Variants in RBFOX1 observed in about 807,000 individuals in gnomAD.
RBFOX1 encodes RNA binding protein fox-1 homolog 1.
A neutral mutation model predicts 57.7 loss-of-function variants in RBFOX1; 8 were observed. The ratio of observed to expected loss-of-function variants is 0.14; its 90% CI spans 0.08 to 0.25. RBFOX1 has a LOEUF of 0.25. Among genes scored for constraint, RBFOX1 ranks in the 10% least tolerant of loss-of-function variants. The pLI is 1.00. For synonymous variants in RBFOX1, 326 were observed against 222.4 expected, an observed-to-expected ratio of 1.47 and a Z score of -4.15; for missense variants, 611 against 548.5, an observed-to-expected ratio of 1.11 and a Z score of -1.14.
intron 2 of RBFOX1, among the ~76,000 whole-genome samples, chr16:5,564,853 A>G (rs1309039229): frequency 6.6e-6 from 1 of 152,140 alleles, no homozygotes; most frequent in African/African-American, 2.4e-5. Flanking sequence ...GTGGCTGGGC[A>G]TCTCACCTCT....
intron 3 of RBFOX1, among the ~76,000 whole-genome samples, chr16:6,856,904 G>A (rs2058013302): frequency 6.6e-6 from 1 of 151,968 alleles, no homozygotes; most frequent in African/African-American, 2.4e-5. Flanking sequence ...CAGAGAAAGG[G>A]AAAAGAAAGA....
chr16:5,908,356 G>C (rs1441818919), intron 4 of RBFOX1, among the ~76,000 whole-genome samples: 3 of 125,650 alleles, frequency 2.4e-5, no homozygotes, highest in Non-Finnish European at 3.5e-5. Flanking sequence ...GTGTGTGTCT[G>C]TGTGTGTTTT....
intron 3 of RBFOX1, among the ~76,000 whole-genome samples, chr16:5,775,095 A>G (rs987300801): frequency 2.6e-5 from 4 of 152,186 alleles, no homozygotes; most frequent in African/African-American, 9.7e-5. Flanking sequence ...CAGTGAATAT[A>G]GCTTGATCCT....
At chr16:7,313,613 T>C (rs2096371433) in intron 4 of RBFOX1, among the ~76,000 whole-genome samples, 1 of 151,986 alleles carries the variant, frequency 6.6e-6, no homozygotes, top group South Asian at 2.1e-4. Context: ...AATAATAAAA[T>C]AATTAAAATA....
At chr16:7,357,981 C>G (rs1279608907) in intron 4 of RBFOX1, among the ~76,000 whole-genome samples, 4 of 152,088 alleles carry the variant, frequency 2.6e-5, no homozygotes, top group African/African-American at 7.2e-5. Context: ...TTTCATCTGC[C>G]TGAGAATCAC....
At chr16:7,667,134 T>C (rs990391852) in intron 13 of RBFOX1, among the ~76,000 whole-genome samples, 5 of 152,196 alleles carry the variant, frequency 3.3e-5, no homozygotes, top group Admixed American at 1.3e-4. Flanking sequence ...AGAGATTTGA[T>C]TACCCAGCAC....
chr16:7,033,424 G>A (rs1203344838), intron 3 of RBFOX1, among the ~76,000 whole-genome samples: 1 of 152,268 alleles, frequency 6.6e-6, no homozygotes, highest in Admixed American at 6.5e-5. Context: ...GGAGGCTGAG[G>A]CAGGAGATTC....
chr16:5,632,357 C>A (rs1029690470), intron 3 of RBFOX1: 7 of 152,214 alleles, frequency 4.6e-5, no homozygotes, highest in Non-Finnish European at 8.8e-5. Context: ...GTAGCTGTTT[C>A]CTGGTCAACG....
At chr16:6,060,173 T>C (rs1180526382) in intron 1 of RBFOX1, among the ~76,000 whole-genome samples, 1 of 138,560 alleles carries the variant, frequency 7.2e-6, no homozygotes, top group South Asian at 2.4e-4. Flanking sequence ...ATAACAAGAA[T>C]GGAGAAACAT....
chr16:6,969,566 C>G (rs547568518), intron 3 of RBFOX1, among the ~76,000 whole-genome samples: 4 of 151,614 alleles, frequency 2.6e-5, no homozygotes, highest in East Asian at 1.9e-4. Flanking sequence ...GAGACCTCGT[C>G]TCTACAAAAA....
intron 1 of RBFOX1, among the ~76,000 whole-genome samples, chr16:6,176,496 C>CT (rs112213022): frequency 0.075 from 11,321 of 151,758 alleles, 560 homozygotes; most frequent in African/African-American, 0.14. Flanking sequence ...GCTGTGCCTC[C>CT]TTTCTTCTCA....
intron 3 of RBFOX1, among the ~76,000 whole-genome samples, chr16:5,656,734 C>CT: frequency 6.6e-6 from 1 of 152,288 alleles, no homozygotes; most frequent in South Asian, 2.1e-4. Flanking sequence ...TGAACTCATT[C>CT]TTTTTTATGG....
intron 4 of RBFOX1, among the ~76,000 whole-genome samples, chr16:5,974,150 G>A (rs976582793): frequency 6.6e-5 from 10 of 152,118 alleles, no homozygotes; most frequent in South Asian, 2.1e-4. Flanking sequence ...CTATATGGCC[G>A]TTGTTCTACC....
intron 3 of RBFOX1, among the ~76,000 whole-genome samples, chr16:6,828,609 G>A (rs1215337832): frequency 3.3e-5 from 5 of 151,922 alleles, no homozygotes; most frequent in Non-Finnish European, 7.4e-5. Flanking sequence ...GGACCAAGCT[G>A]GCTAAGACCA....
At chr16:7,619,581 C>G (rs1026143531) in intron 10 of RBFOX1, among the ~76,000 whole-genome samples, 1 of 152,122 alleles carries the variant, frequency 6.6e-6, no homozygotes, top group Non-Finnish European at 1.5e-5. Flanking sequence ...CTAAATAGTT[C>G]TGTAATAGTA....
At chr16:7,266,316 C>T (rs905688325) in intron 4 of RBFOX1, among the ~76,000 whole-genome samples, 6 of 152,054 alleles carry the variant, frequency 3.9e-5, no homozygotes, top group African/African-American at 1.4e-4. Context: ...CACCTTCCCC[C>T]ACGCTCTCGC....
intron 3 of RBFOX1, among the ~76,000 whole-genome samples, chr16:6,753,865 T>A (rs2075361099): frequency 6.6e-6 from 1 of 152,092 alleles, no homozygotes; most frequent in Non-Finnish European, 1.5e-5. Flanking sequence ...AGTTTTATGG[T>A]TGATGTGCTC....
intron 4 of RBFOX1, among the ~76,000 whole-genome samples, chr16:7,247,590 C>G (rs1395714391): frequency 6.6e-6 from 1 of 152,134 alleles, no homozygotes; most frequent in Non-Finnish European, 1.5e-5. Flanking sequence ...CTAAAAGCCC[C>G]CAGGTCATCC....
chr16:6,969,351 C>T (rs1009330089), intron 3 of RBFOX1, among the ~76,000 whole-genome samples: 3 of 152,220 alleles, frequency 2.0e-5, no homozygotes, highest in African/African-American at 7.2e-5. Context: ...CAGTGTCATG[C>T]AGTGATTCCA....
Sources: allele counts gnomAD v4.1 joint callset (sites outside exome capture counted in the v4.1 genomes callset), GRCh38; gene constraint gnomAD v4.1.1; transcripts MANE v1.5; gene names NCBI Gene and HGNC (gene_info 2026-07-23, HGNC 2026-07-21).